Variants in AKAP13 observed in about 807,000 individuals in gnomAD.
AKAP13 encodes A-kinase anchor protein 13.
In AKAP13, 80 loss-of-function variants were observed where a neutral mutation model predicts 264.5. That is an observed-to-expected ratio of 0.30 (90% CI 0.25 to 0.36). The LOEUF (loss-of-function observed/expected upper bound fraction) is 0.36, where lower values mean the gene tolerates loss of function less well. AKAP13 is among the 10% of genes least tolerant of loss of function. The pLI is 1.00. For synonymous variants in AKAP13, 1,380 were observed against 1,250.2 expected (o/e 1.10, Z -2.19); for missense variants, 3,712 against 3,435.2 (o/e 1.08, Z -2.01).
chr15:85,655,639 G>C lies in AKAP13; in HGVS notation c.4597G>C (p.Val1533Leu). Residue 1533 changes from valine to leucine, a missense_variant, in exon 11 of 37, where the codon GTG (valine) becomes CTG (leucine). Transcript: ENST00000394518. ...GAGTGAGCCTGCTGACCCAGGCGACGTGGAGGAGGAGGAGATGGACAGTAT... is the reference window on the plus strand; with the variant it reads ...GAGTGAGCCTGCTGACCCAGGCGACCTGGAGGAGGAGGAGATGGACAGTAT... ...SESEPADPGD[V>L]EEEEMDSITE... 6.2e-7 allele frequency: 1 copy of C among 1,614,234 alleles called. No individual in the cohort carries two copies.
chr15:85,576,294 GA>G (rs1318101020), intron 6 of AKAP13, among the ~76,000 whole-genome samples: 1 of 152,054 alleles, frequency 6.6e-6, no homozygotes, highest in African/African-American at 2.4e-5. Flanking sequence ...ATTTAATCAG[GA>G]GTATTTTTAC....
chr15:85,583,377 C>A (rs531502934), intron 7 of AKAP13, among the ~76,000 whole-genome samples: 1 of 152,130 alleles, frequency 6.6e-6, no homozygotes, highest in Non-Finnish European at 1.5e-5. Flanking sequence ...TAATCTTTTT[C>A]CTCCCCAGTT....
chr15:85,670,415 A>G (rs1190928277), intron 14 of AKAP13, among the ~76,000 whole-genome samples: 1 of 151,592 alleles, frequency 6.6e-6, no homozygotes, highest in Non-Finnish European at 1.5e-5. Flanking sequence ...TGCTAGCATT[A>G]GTATATAAGA....
At chr15:85,457,204 A>G (rs1231521917) in intron 1 of AKAP13, among the ~76,000 whole-genome samples, 1 of 152,232 alleles carries the variant, frequency 6.6e-6, no homozygotes, top group Non-Finnish European at 1.5e-5. Context: ...AGGCATGTCT[A>G]AAATTCTAGT....
intron 25 of AKAP13, among the ~76,000 whole-genome samples, chr15:85,722,734 A>G (rs1266061671): frequency 6.6e-6 from 1 of 152,178 alleles, no homozygotes; most frequent in Non-Finnish European, 1.5e-5. Flanking sequence ...TAAAGATTAC[A>G]AGGCAGTACA....
intron 10 of AKAP13, among the ~76,000 whole-genome samples, chr15:85,654,315 A>G (rs551929829): frequency 1.3e-5 from 2 of 152,332 alleles, no homozygotes; most frequent in East Asian, 3.9e-4. Context: ...ACTAAAAACA[A>G]CCACAGACTT....
intron 1 of AKAP13, among the ~76,000 whole-genome samples, chr15:85,413,711 C>G (rs1239776288): frequency 6.6e-6 from 1 of 152,144 alleles, no homozygotes. Context: ...GCAGTGTGTT[C>G]TCAGGCCCTT....
chr15:85,539,703 A>G (rs1043174874), intron 4 of AKAP13, among the ~76,000 whole-genome samples: 2 of 152,178 alleles, frequency 1.3e-5, no homozygotes, highest in African/African-American at 4.8e-5. Flanking sequence ...CCAGCATATA[A>G]GTAAATAGAA....
intron 1 of AKAP13, among the ~76,000 whole-genome samples, chr15:85,381,282 G>T (rs1346897310): frequency 3.3e-5 from 5 of 152,110 alleles, no homozygotes; most frequent in Non-Finnish European, 7.4e-5. Flanking sequence ...CGAGGGAGCG[G>T]CTCCCCGGGG....
intron 3 of AKAP13, among the ~76,000 whole-genome samples, chr15:85,531,358 T>G (rs1259676305): frequency 6.6e-6 from 1 of 152,242 alleles, no homozygotes. Flanking sequence ...ACCGTAAATC[T>G]CTGGGGAGTT....
At chr15:85,649,090 A>G (rs764065052) in intron 10 of AKAP13, among the ~76,000 whole-genome samples, 10 of 152,226 alleles carry the variant, frequency 6.6e-5, no homozygotes, top group Admixed American at 1.3e-4. Context: ...AGAGAGACTA[A>G]TATTGACAGG....
intron 5 of AKAP13, among the ~76,000 whole-genome samples, chr15:85,554,249 G>A (rs2078061433): frequency 1.3e-5 from 2 of 152,048 alleles, no homozygotes; most frequent in Admixed American, 6.6e-5. Flanking sequence ...ACAAAATAGG[G>A]AAAAATAATA....
chr15:85,738,960 A>G (rs939134026), intron 33 of AKAP13, among the ~76,000 whole-genome samples: 3 of 152,210 alleles, frequency 2.0e-5, no homozygotes, highest in Non-Finnish European at 2.9e-5. Flanking sequence ...ATTCATAGCA[A>G]TACTTCGTAG....
intron 2 of AKAP13, among the ~76,000 whole-genome samples, chr15:85,508,461 A>G (rs2076309149): frequency 6.7e-6 from 1 of 149,028 alleles, no homozygotes; most frequent in Admixed American, 6.7e-5. Context: ...ATTTTTTTAA[A>G]GGTAAGGGGT....
intron 8 of AKAP13, among the ~76,000 whole-genome samples, chr15:85,621,050 A>G (rs943339754): frequency 6.6e-6 from 1 of 152,226 alleles, no homozygotes; most frequent in African/African-American, 2.4e-5. Flanking sequence ...GTGAGGGTGT[A>G]TGTGGAGGTG....
chr15:85,729,055 C>T (rs2087793895), intron 29 of AKAP13, among the ~76,000 whole-genome samples: 1 of 152,018 alleles, frequency 6.6e-6, no homozygotes, highest in South Asian at 2.1e-4. Flanking sequence ...AATCCCAGCA[C>T]TTTGGGAGGC....
intron 3 of AKAP13, among the ~76,000 whole-genome samples, chr15:85,527,015 C>T (rs1390033556): frequency 3.3e-5 from 5 of 149,378 alleles, no homozygotes; most frequent in African/African-American, 7.4e-5. Context: ...AGTGCAGTGG[C>T]GCGATCTCTG....
At position 85,745,633 on chromosome 15, in the gene AKAP13, C is replaced by A. The variant is rs1369713507; in HGVS notation, c.*956C>A. 6.6e-6 allele frequency: 1 copy of A among 152,242 alleles called. No homozygotes were observed. Among genetic ancestry groups the A allele is most frequent in the Non-Finnish European group, 1.5e-5 (1 of 68,066 alleles). The allele number at this position is 152,242 out of a possible 1,614,324, so 9.4% of individuals were successfully genotyped here. ...GAGCCCCCGTCGTGCCTCTCCCAGA[C>A]AGCAGCTGTCTGGCCCTTGCTGGGT... On this transcript the variant is annotated 3_prime_UTR_variant, in exon 37 of 37. Coordinates refer to ENST00000394518, the MANE Select transcript of AKAP13 (RefSeq NM_007200.5).
At chr15:85,622,053 A>G (rs546964736) in intron 8 of AKAP13, among the ~76,000 whole-genome samples, 12 of 152,312 alleles carry the variant, frequency 7.9e-5, no homozygotes, top group African/African-American at 2.6e-4. Flanking sequence ...TGCTTTGGAG[A>G]TGGAGAAGAC....
Sources: gnomAD v4.1 joint callset for allele counts (sites outside exome capture counted in the v4.1 genomes callset) on GRCh38, gnomAD v4.1.1 for gene constraint, MANE v1.5 for transcripts, NCBI Gene and HGNC (gene_info 2026-07-23, HGNC 2026-07-21) for gene names.